The following MLPH variants were observed in gnomAD, a reference collection of about 807,000 sequenced individuals.
The protein encoded by MLPH is exophilin-3.
Under a neutral mutation model 72.1 loss-of-function variants are expected in MLPH, and 51 were observed. The ratio of observed to expected loss-of-function variants is 0.71; its 90% CI spans 0.56 to 0.89. The LOEUF is 0.89. Ranked by LOEUF, MLPH falls within the 40% of genes least tolerant of loss-of-function variation. The pLI, the probability that MLPH is intolerant of heterozygous loss-of-function variation, is 0.00. For missense variants in MLPH, 743 were observed against 759.9 expected (o/e 0.98, Z 0.26); for synonymous variants, 301 against 310.1 (o/e 0.97, Z 0.31).
intron 15 of MLPH, chr2:237,553,257 C>T: frequency 1.9e-6 from 1 of 528,132 alleles, no homozygotes; most frequent in African/African-American, 1.9e-5. Flanking sequence ...ATCTGAGATG[C>T]AGTGGAAAGG....
chr2:237,538,992 T>C (rs1559368756), intron 9 of MLPH, among the ~76,000 whole-genome samples: 1 of 151,972 alleles, frequency 6.6e-6, no homozygotes, highest in African/African-American at 2.4e-5. Flanking sequence ...CCTCCTAAGG[T>C]CCCAAGGAGG....
chr2:237,545,493 G>T, intron 12 of MLPH: 2 of 1,287,778 alleles, frequency 1.6e-6, no homozygotes, highest in South Asian at 2.5e-5. Context: ...CTGCTCTGAG[G>T]ATCTGAAACA....
intron 4 of MLPH, among the ~76,000 whole-genome samples, chr2:237,516,885 T>G (rs1480993894): frequency 8.7e-5 from 8 of 92,090 alleles, no homozygotes; most frequent in African/African-American, 2.5e-4. Context: ...GGATGGATGG[T>G]AGGATGGATG....
intron 1 of MLPH, among the ~76,000 whole-genome samples, chr2:237,489,422 G>A (rs1341311433): frequency 1.3e-5 from 2 of 152,190 alleles, no homozygotes; most frequent in Admixed American, 6.5e-5. Context: ...TCACTTGTAG[G>A]GAAGGGAGTG....
chr2:237,526,620 G>A (rs2080310630), intron 7 of MLPH, among the ~76,000 whole-genome samples: 3 of 152,288 alleles, frequency 2.0e-5, no homozygotes, highest in African/African-American at 4.8e-5. Flanking sequence ...CCCTGAGCAC[G>A]TCGACCGGAG....
chr2:237,518,495 A>C, intron 4 of MLPH, 44 bp from the exon 5 acceptor site: 1 of 1,522,526 alleles, frequency 6.6e-7, no homozygotes, highest in Admixed American at 1.8e-5. Context: ...GCTTGTTCCC[A>C]GACTGTTTGT....
Position 237,553,653 on chromosome 2 carries a change from G to A in MLPH, c.*61G>A, listed in dbSNP as rs768184731. 6 of 1,609,210 alleles carry A rather than the reference G, an allele frequency of 3.7e-6. No homozygotes were observed. The highest frequency in any genetic ancestry group is 1.7e-4 in the Middle Eastern group (1 of 6,050). On this transcript the variant is annotated 3_prime_UTR_variant, in exon 16 of 16. Transcript: ENST00000264605. ...GTTTTCCCTCCACCACAGCCATCCTGTCCCTCATTGGCTCTGTGCTTTCCA... is the reference window on the plus strand; with the variant it reads ...GTTTTCCCTCCACCACAGCCATCCTATCCCTCATTGGCTCTGTGCTTTCCA...
intron 2 of MLPH, among the ~76,000 whole-genome samples, chr2:237,509,163 TGAA>T (rs2079838957): frequency 3.3e-5 from 5 of 152,190 alleles, no homozygotes; most frequent in Admixed American, 2.0e-4. Flanking sequence ...TCTCTGGCTA[TGAA>T]GAAGGGAAGT....
chr2:237,510,772 C>A lies in MLPH; in HGVS notation c.309C>A (p.Ile103=), dbSNP rs938148644. 1.9e-6 allele frequency: 3 copies of A among 1,613,560 alleles called. No homozygotes were observed. Among genetic ancestry groups the A allele is most frequent in the Non-Finnish European group, 2.5e-6 (3 of 1,180,046 alleles). Residue 103 remains isoleucine (I), a synonymous_variant, in exon 3 of 16, where the codon ATC becomes ATA. Coordinates refer to ENST00000264605, the MANE Select transcript of MLPH (RefSeq NM_024101.7). This position sits in a 1 kb window ranked among gnomAD's most constrained non-coding sequence, Gnocchi z 4.4. ...TCCACCCGGAGGAGCAGGGCTGGAT[C>A]TGTGACCCCTGCCATCTGGCCAGGT... is the stretch of plus-strand genomic sequence containing the variant. ...GRVHPEEQGW[I]CDPCHLARVV...
intron 11 of MLPH, 23 bp from the exon 12 acceptor site, chr2:237,542,544 T>TTCTGTCTGCTGTCCTC (rs1355072513): frequency 1.3e-6 from 2 of 1,569,502 alleles, no homozygotes; most frequent in South Asian, 2.3e-5. Context: ...CTGACGGGCC[T>TTCTGTCTGCTGTCCTC]TCTGTCTGCT....
intron 1 of MLPH, among the ~76,000 whole-genome samples, chr2:237,491,071 G>A (rs894279002): frequency 1.3e-5 from 2 of 152,294 alleles, no homozygotes; most frequent in South Asian, 2.1e-4. Context: ...CCCAGAAAAT[G>A]TCCCTTTTCA....
chr2:237,498,450 G>T (rs1182712575), intron 2 of MLPH, among the ~76,000 whole-genome samples: 1 of 152,182 alleles, frequency 6.6e-6, no homozygotes, highest in Non-Finnish European at 1.5e-5. Flanking sequence ...GGACAAACAA[G>T]CTGGTCCAGA....
chr2:237,520,332 T>C (rs1406035126), intron 6 of MLPH, among the ~76,000 whole-genome samples: 2 of 150,448 alleles, frequency 1.3e-5, no homozygotes, highest in Non-Finnish European at 3.0e-5. Context: ...GGGACAGAAA[T>C]AAGGCAGAAC....
At chr2:237,540,142 C>G (rs560143878) in intron 9 of MLPH, among the ~76,000 whole-genome samples, 1 of 152,348 alleles carries the variant, frequency 6.6e-6, no homozygotes, top group East Asian at 1.9e-4. Flanking sequence ...TCCCTGGGAA[C>G]CCCCAGCCCT....
In MLPH at chr2:237,495,928, C is replaced by G. The variant is rs568128276; in HGVS notation, c.110+2392C>G. On this transcript the variant is annotated intron_variant, in intron 2 of 15. Transcript: ENST00000264605. ...CGGTCTCACGGGCCCCGTCCTCACC[C>G]CTCCACTCTTGAGTCTCAGATCCCC... is the stretch of plus-strand genomic sequence containing the variant. Among the ~76,000 whole-genome samples the G allele has an allele frequency of 3.3e-5, 5 of 152,364 alleles. No individual in the cohort carries two copies. The East Asian group carries it at 7.7e-4, about 24-fold the overall frequency.
At position 237,516,785 on chromosome 2, in the gene MLPH, ATGGATGGATGG is replaced by A. The variant is rs1430246562; in HGVS notation, c.446-1753_446-1743del. On this transcript the variant is annotated intron_variant, in intron 4 of 15. Coordinates refer to ENST00000264605, the MANE Select transcript of MLPH (RefSeq NM_024101.7). ...TTGTGGGAGAGGGAGAGATGAATGG[ATGGATGGATGG>A]ATGGATGGATGGATGGATGGATGGA... Among the ~76,000 whole-genome samples, 7 of 46,056 alleles carry A rather than the reference ATGGATGGATGG, an allele frequency of 1.5e-4. No individual in the cohort carries two copies. In the African/African-American group the frequency reaches 1.9e-3, roughly 12 times the overall value. 30.2% of individuals were successfully genotyped at this position (46,056 alleles called of 152,430 possible).
intron 2 of MLPH, among the ~76,000 whole-genome samples, chr2:237,506,883 G>A (rs1182965944): frequency 2.0e-5 from 3 of 151,946 alleles, no homozygotes; most frequent in African/African-American, 7.3e-5. Context: ...GCATTCAGTG[G>A]GTCGTAACAT....
chr2:237,491,597 G>A (rs976877794), intron 1 of MLPH, among the ~76,000 whole-genome samples: 2 of 152,324 alleles, frequency 1.3e-5, no homozygotes, highest in African/African-American at 4.8e-5. Flanking sequence ...ATAAAGAAAC[G>A]TTAAAGGGAT....
intron 5 of MLPH, among the ~76,000 whole-genome samples, chr2:237,519,173 A>G (rs763333593): frequency 6.6e-6 from 1 of 151,934 alleles, no homozygotes; most frequent in Non-Finnish European, 1.5e-5. Context: ...ACGAGGTAAC[A>G]CCTGGGTTTT....
Sources: allele counts gnomAD v4.1 joint callset (sites outside exome capture counted in the v4.1 genomes callset), GRCh38; gene constraint gnomAD v4.1.1; non-coding constraint Gnocchi (gnomAD v3.1); transcripts MANE v1.5; gene names NCBI Gene and HGNC (gene_info 2026-07-23, HGNC 2026-07-21).